The following CRMP1 variants were observed in gnomAD, a reference collection of about 807,000 sequenced individuals.
CRMP1 encodes dihydropyrimidinase-related protein 1.
CRMP1 carries 19 observed loss-of-function variants against 68.3 expected under a neutral mutation model. The ratio of observed to expected loss-of-function variants is 0.28; its 90% CI spans 0.19 to 0.41. The LOEUF is 0.41. Among genes scored for constraint, CRMP1 ranks in the 10% least tolerant of loss-of-function variants. CRMP1 has a pLI of 1.00. For synonymous variants in CRMP1, 439 were observed against 399.6 expected (o/e 1.10, Z -1.18); for missense variants, 791 against 967.4 (o/e 0.82, Z 2.42).
chr4:5,830,440 T>G (rs1345535456), intron 11 of CRMP1, among the ~76,000 whole-genome samples: 3 of 152,226 alleles, frequency 2.0e-5, no homozygotes, highest in Non-Finnish European at 4.4e-5. Context: ...AAAATTATCA[T>G]TCTTTCAAAA....
rs746848250 is a variant in CRMP1 at position 5,841,472 on chromosome 4, A to G, written c.1033-44T>C. 4 of 1,608,848 alleles carry G rather than the reference A, an allele frequency of 2.5e-6. No individual in the cohort carries two copies. Among genetic ancestry groups the G allele is most frequent in the Admixed American group, 1.7e-5 (1 of 59,876 alleles). Reference sequence around the variant, plus strand: ...GTGTCACAGGAGGGAAGGCTGGTGTAACAGCTACCACCCATCTCCATTTTC... The same window carrying G: ...GTGTCACAGGAGGGAAGGCTGGTGTGACAGCTACCACCCATCTCCATTTTC... On this transcript the variant is annotated intron_variant, in intron 7 of 13. Transcript: ENST00000324989. This position sits in a 1 kb window ranked among gnomAD's most constrained non-coding sequence, Gnocchi z 6.9.
At chr4:5,832,441 G>A (rs917262062) in intron 11 of CRMP1, among the ~76,000 whole-genome samples, 3 of 152,160 alleles carry the variant, frequency 2.0e-5, no homozygotes, top group African/African-American at 4.8e-5. Context: ...AAGAATAAAA[G>A]TTGTGTTTTA....
At chr4:5,832,799 G>A (rs1200733331) in intron 11 of CRMP1, among the ~76,000 whole-genome samples, 3 of 152,150 alleles carry the variant, frequency 2.0e-5, no homozygotes, top group Non-Finnish European at 4.4e-5. Context: ...ATTACATATT[G>A]TTATGGGTTG....
Position 5,850,387 on chromosome 4 carries a change from C to T in CRMP1, c.883-915G>A, listed in dbSNP as rs947251556. Among the ~76,000 whole-genome samples, 1 of 152,198 alleles carries T rather than the reference C, an allele frequency of 6.6e-6. No homozygotes were observed. The highest frequency in any genetic ancestry group is 2.4e-5 in the African/African-American group (1 of 41,452). On this transcript the variant is annotated intron_variant, in intron 5 of 13. Transcript: ENST00000324989. This position sits in a 1 kb window ranked among gnomAD's most constrained non-coding sequence, Gnocchi z 4.4. ...ATCACATGCTATGTTTTCTATGTAA[C>T]TGAACCAATTTTCAGCTCTTTGAGT...
chr4:5,891,965 G>A lies in CRMP1; in HGVS notation c.381+624C>T, dbSNP rs1715969649. 6.6e-6 allele frequency among the ~76,000 whole-genome samples: 1 copy of A among 152,182 alleles called. No homozygotes were observed. The highest frequency in any genetic ancestry group is 2.1e-4 in the South Asian group (1 of 4,826). ...GCTGTGGAGCTCAGGAGTGCCCCTT[G>A]AATCTACTGGCGCTTGAGGGTAGGG... On this transcript the variant is annotated intron_variant, in intron 1 of 13. Transcript: ENST00000324989. This position sits in a 1 kb window ranked among gnomAD's most constrained non-coding sequence, Gnocchi z 5.2.
chr4:5,868,492 G>A (rs1036146209), intron 1 of CRMP1, among the ~76,000 whole-genome samples: 3 of 146,694 alleles, frequency 2.0e-5, no homozygotes, highest in Admixed American at 6.7e-5. Context: ...TAGTAGAGAC[G>A]GGGTTTCACC....
rs533113262 is a variant in CRMP1 at position 5,891,369 on chromosome 4, A to G, written c.381+1220T>C. Among the ~76,000 whole-genome samples, 1 of 152,250 alleles carries G rather than the reference A, an allele frequency of 6.6e-6. No homozygotes were observed. On this transcript the variant is annotated intron_variant, in intron 1 of 13. Coordinates refer to ENST00000324989, the MANE Select transcript of CRMP1 (RefSeq NM_001014809.3). This position sits in a 1 kb window ranked among gnomAD's most constrained non-coding sequence, Gnocchi z 5.2. ...ATTCCTCCAGGAAGCCCTCCCAGATATCTGCCCCGATCAAGCTCTGCTTCC... is the reference window on the plus strand; with the variant it reads ...ATTCCTCCAGGAAGCCCTCCCAGATGTCTGCCCCGATCAAGCTCTGCTTCC...
Position 5,879,855 on chromosome 4 carries a change from CAA to C in CRMP1, c.381+12732_381+12733del, listed in dbSNP as rs113231255. On this transcript the variant is annotated intron_variant, in intron 1 of 13. Coordinates refer to ENST00000324989, the MANE Select transcript of CRMP1 (RefSeq NM_001014809.3). This position sits in a 1 kb window ranked among gnomAD's most constrained non-coding sequence, Gnocchi z 4.2. ...CTGCATGTTCAGAAATAAAATATAG[CAA>C]AAAAAAAAATGAGACGAAAGGAAAG... Among the ~76,000 whole-genome samples the C allele has an allele frequency of 4.4e-3, 600 of 136,188 alleles. 3 individuals are homozygous for C. The highest frequency in any genetic ancestry group is 0.015 in the African/African-American group (569 of 37,950). 89.3% of individuals were successfully genotyped at this position (136,188 alleles called of 152,430 possible).
In CRMP1 at chr4:5,872,401, C is replaced by A. The variant is rs115785452; in HGVS notation, c.382-5645G>T. ...TCTGCACAAACATTATTATGTATAA[C>A]CTAGGCCAGGTGCGGTGGCTCACGC... On this transcript the variant is annotated intron_variant, in intron 1 of 13. Transcript: ENST00000324989. The surrounding 1 kb of genome is among the most constrained non-coding windows in gnomAD (Gnocchi z 4.6). Among the ~76,000 whole-genome samples, 806 of 152,158 alleles carry A rather than the reference C, an allele frequency of 5.3e-3. 3 individuals carry two copies. Among genetic ancestry groups the A allele is most frequent in the African/African-American group, 0.019 (778 of 41,532 alleles).
In CRMP1 at chr4:5,892,532, C is replaced by T; in HGVS notation, c.381+57G>A. On this transcript the variant is annotated intron_variant, in intron 1 of 13. Transcript: ENST00000324989. The surrounding 1 kb of genome is among the most constrained non-coding windows in gnomAD (Gnocchi z 8.6). ...GGCATGGCCCTCGGGCGCCCCATGC[C>T]CTGGGTCCTCCCGGGGCCCGCCCCC... 8.6e-7 allele frequency: 1 copy of T among 1,160,882 alleles called. No individual in the cohort carries two copies. 71.9% of individuals were successfully genotyped at this position (1,160,882 alleles called of 1,614,324 possible). A position where few individuals can be genotyped will look rare whatever the true frequency, so the allele number is the denominator to read the frequency against.
At position 5,839,696 on chromosome 4, in the gene CRMP1, T is replaced by TAAAAC. The variant is rs35087184; in HGVS notation, c.1154-19_1154-18insGTTTT. 1.5e-4 allele frequency: 244 copies of TAAAAC among 1,602,640 alleles called. 2 individuals are homozygous for TAAAAC. The South Asian group carries it at 2.6e-3, about 17-fold the overall frequency. Reference sequence around the variant, plus strand: ...TAGGGGCCCTTAGGAGGGGAAAACATAAGCCTGGTTAAAAGCAAATACTCT... The same window carrying TAAAAC: ...TAGGGGCCCTTAGGAGGGGAAAACATAAAACAAGCCTGGTTAAAAGCAAATACTCT... On this transcript the variant is annotated intron_variant, in intron 8 of 13. Transcript: ENST00000324989.
chr4:5,832,861 A>G (rs1720471006), intron 11 of CRMP1, among the ~76,000 whole-genome samples: 1 of 152,204 alleles, frequency 6.6e-6, no homozygotes, highest in Admixed American at 6.5e-5. Context: ...ATTACCTCAG[A>G]ATGTGACCTT....
In CRMP1 at chr4:5,842,596, TCTCA is replaced by T. The variant is rs748325276; in HGVS notation, c.1032+493_1032+496del. Among the ~76,000 whole-genome samples, 9,989 of 122,940 alleles carry T rather than the reference TCTCA, an allele frequency of 0.081. 533 individuals are homozygous for T. The highest frequency in any genetic ancestry group is 0.29 in the East Asian group (1,434 of 5,012). The allele number at this position is 122,940 out of a possible 152,430, so 80.7% of individuals were successfully genotyped here. A position where few individuals can be genotyped will look rare whatever the true frequency, so the allele number is the denominator to read the frequency against. ...CACATGCACCCACACTCACACACTCTCTCACACACACACACACACACTCACTCAC... is the reference window on the plus strand; with the variant it reads ...CACATGCACCCACACTCACACACTCTCACACACACACACACACTCACTCAC... On this transcript the variant is annotated intron_variant, in intron 7 of 13. Transcript: ENST00000324989. This position sits in a 1 kb window ranked among gnomAD's most constrained non-coding sequence, Gnocchi z 4.5.
At chr4:5,847,082 A>T (rs977445333) in intron 6 of CRMP1, among the ~76,000 whole-genome samples, 96 of 152,184 alleles carry the variant, frequency 6.3e-4, no homozygotes, top group Non-Finnish European at 2.4e-4. Context: ...AAACCCAGTC[A>T]AGGAACTGCC....
At chr4:5,828,121 C>G (rs992100097) in intron 12 of CRMP1, 2 of 985,306 alleles carry the variant, frequency 2.0e-6, no homozygotes, top group Non-Finnish European at 1.2e-6. Flanking sequence ...TGGCTAAGCC[C>G]TTCACTGCTC....
chr4:5,885,410 G>T (rs1715511802), intron 1 of CRMP1, among the ~76,000 whole-genome samples: 4 of 152,204 alleles, frequency 2.6e-5, no homozygotes, highest in Admixed American at 2.0e-4. Context: ...TTCTTCCCAT[G>T]AACCACACTT....
In CRMP1 at chr4:5,892,659, T is replaced by C; in HGVS notation, c.311A>G (p.Glu104Gly). Residue 104 changes from glutamate (E) to glycine (G), a missense_variant, in exon 1 of 14, where the codon GAG (glutamate) becomes GGG (glycine). Glu to Gly is a moderately conservative substitution (Grantham distance 98, BLOSUM62 -2). This residue lies in a region of CRMP1 where 193 missense variants were observed against 186.3 expected (regional missense o/e 1.04). Transcript: ENST00000324989. This position sits in a 1 kb window ranked among gnomAD's most constrained non-coding sequence, Gnocchi z 8.6. ...SAVSSPGERD[E>G]RPPTLRIRRP... ...GCGGATGCGCAGCGTCGGCGGCCGC[T>C]CGTCGCGCTCTCCGGGAGAGCTGAC... 8.4e-7 allele frequency: 1 copy of C among 1,193,816 alleles called. No homozygotes were observed. Among genetic ancestry groups the C allele is most frequent in the Non-Finnish European group, 1.0e-6 (1 of 963,644 alleles). The allele number at this position is 1,193,816 out of a possible 1,614,324, so 74.0% of individuals were successfully genotyped here. A position where few individuals can be genotyped will look rare whatever the true frequency, so the allele number is the denominator to read the frequency against.
Position 5,889,746 on chromosome 4 carries a change from A to T in CRMP1, c.381+2843T>A, listed in dbSNP as rs1002667017. ...AGAGCGAGGGTGGCCTAGGCTTGGT[A>T]CAGCTCCCCCAGCACTGTGGTTGGG... On this transcript the variant is annotated intron_variant, in intron 1 of 13. Transcript: ENST00000324989. This position sits in a 1 kb window ranked among gnomAD's most constrained non-coding sequence, Gnocchi z 4.5. The T allele has an allele frequency of 3.9e-6, 6 of 1,534,982 alleles. No individual in the cohort carries two copies. Among genetic ancestry groups the T allele is most frequent in the Non-Finnish European group, 5.2e-6 (6 of 1,146,260 alleles).
At position 5,848,652 on chromosome 4, in the gene CRMP1, C is replaced by T. The variant is rs1393489906; in HGVS notation, c.963+740G>A. The stretch of plus-strand genomic sequence containing the variant: ...CTTACTCTGTTTTCTGATGCTATTA[C>T]AGAATACCATAGACTTGGTAATTTT... On this transcript the variant is annotated intron_variant, in intron 6 of 13. Coordinates refer to ENST00000324989, the MANE Select transcript of CRMP1 (RefSeq NM_001014809.3). 2.0e-5 allele frequency among the ~76,000 whole-genome samples: 3 copies of T among 152,246 alleles called. No individual in the cohort carries two copies. In the East Asian group the frequency reaches 5.8e-4, roughly 29 times the overall value.
Sources: gnomAD v4.1 joint callset for allele counts (sites outside exome capture counted in the v4.1 genomes callset) on GRCh38, gnomAD v4.1.1 for gene constraint, gnomAD v4.1.1 regional missense constraint, Gnocchi (gnomAD v3.1) non-coding constraint, MANE v1.5 for transcripts, NCBI Gene and HGNC (gene_info 2026-07-23, HGNC 2026-07-21) for gene names.